The following DMD variants were observed in gnomAD, a reference collection of about 807,000 sequenced individuals.
The protein encoded by DMD is dystrophin.
Under a neutral mutation model 330.1 loss-of-function variants are expected in DMD, and 63 were observed. That is an observed-to-expected ratio of 0.19 (90% CI 0.16 to 0.24). The LOEUF (loss-of-function observed/expected upper bound fraction) is 0.24, where lower values mean the gene tolerates loss of function less well. Among genes scored for constraint, DMD ranks in the 10% least tolerant of loss-of-function variants. The pLI is 1.00. For missense variants in DMD, 3,344 were observed against 2,684.1 expected (o/e 1.25, Z -5.43); for synonymous variants, 1,223 against 959.8 (o/e 1.27, Z -5.07).
At chrX:31,434,658 A>G (rs1208505277) in intron 60 of DMD, among the ~76,000 whole-genome samples, 1 of 111,641 alleles carries the variant, frequency 9.0e-6, no homozygotes, top group Non-Finnish European at 1.9e-5. Context: ...GGTAAAGAGT[A>G]GACACCAGAA....
intron 7 of DMD, among the ~76,000 whole-genome samples, chrX:32,793,766 A>C (rs1304503139): frequency 9.0e-6 from 1 of 111,674 alleles, no homozygotes; most frequent in Non-Finnish European, 1.9e-5. Flanking sequence ...GTAATCTTAA[A>C]AAATTTCCCA....
intron 54 of DMD, among the ~76,000 whole-genome samples, chrX:31,632,783 G>T (rs1042899729): frequency 1.8e-5 from 2 of 111,854 alleles, no homozygotes; most frequent in African/African-American, 3.2e-5. Context: ...CTACTAGTTT[G>T]CTAGTAAATT....
intron 45 of DMD, among the ~76,000 whole-genome samples, chrX:31,938,899 C>G (rs1182800882): frequency 1.8e-5 from 2 of 111,450 alleles, no homozygotes; most frequent in Admixed American, 1.9e-4. Flanking sequence ...AATCCCTAAA[C>G]TGTGTTAAAT....
chrX:32,400,353 G>A (rs1177518538), intron 30 of DMD, among the ~76,000 whole-genome samples: 7 of 111,206 alleles, frequency 6.3e-5, no homozygotes, highest in East Asian at 2.8e-4. Context: ...TGCTGGATTC[G>A]TTTTGCAAGT....
intron 44 of DMD, among the ~76,000 whole-genome samples, chrX:32,044,579 G>A (rs1283757238): frequency 1.8e-5 from 2 of 109,994 alleles, no homozygotes; most frequent in South Asian, 7.8e-4. Context: ...CTGCCACCAT[G>A]CCCAGCTAAT....
upstream of DMD, among the ~76,000 whole-genome samples, chrX:33,215,170 T>TA (rs1240596940): frequency 1.8e-5 from 2 of 108,311 alleles, no homozygotes; most frequent in East Asian, 2.9e-4. Flanking sequence ...ACCCCATCTC[T>TA]AAAAAAAATA....
At chrX:32,846,440 T>G (rs1420596322) in intron 3 of DMD, among the ~76,000 whole-genome samples, 2 of 111,135 alleles carry the variant, frequency 1.8e-5, no homozygotes, top group Non-Finnish European at 3.8e-5. Context: ...TCTCAAGTAG[T>G]TCCTCACCCT....
intron 43 of DMD, among the ~76,000 whole-genome samples, chrX:32,258,745 T>A (rs1250365494): frequency 9.0e-6 from 1 of 110,843 alleles, no homozygotes; most frequent in Non-Finnish European, 1.9e-5. Flanking sequence ...CAAACCACCA[T>A]GGAACGTGTA....
intron 18 of DMD, among the ~76,000 whole-genome samples, chrX:32,504,544 T>A (rs375193240): frequency 9.0e-6 from 1 of 110,956 alleles, no homozygotes; most frequent in Non-Finnish European, 1.9e-5. Context: ...GGAAAATCCC[T>A]TGAACCCGGG....
At chrX:32,387,593 G>A (rs1465212689) in intron 32 of DMD, among the ~76,000 whole-genome samples, 2 of 111,153 alleles carry the variant, frequency 1.8e-5, no homozygotes, top group African/African-American at 6.5e-5. Context: ...TCTGATCAAT[G>A]CTACATGTAT....
chrX:32,301,445 G>A (rs1031191957), intron 42 of DMD, among the ~76,000 whole-genome samples: 36 of 109,592 alleles, frequency 3.3e-4, no homozygotes, highest in Admixed American at 1.4e-3. Context: ...TTTCCATCAG[G>A]ATGTTTAATG....
intron 18 of DMD, among the ~76,000 whole-genome samples, chrX:32,507,275 A>G (rs2044723413): frequency 8.9e-6 from 1 of 111,761 alleles, no homozygotes; most frequent in Non-Finnish European, 1.9e-5. Context: ...TCTTTGAGTT[A>G]CTTTTAGAGT....
At chrX:31,634,742 C>T (rs991895846) in intron 54 of DMD, among the ~76,000 whole-genome samples, 11 of 110,720 alleles carry the variant, frequency 9.9e-5, no homozygotes, top group Non-Finnish European at 2.1e-4. Flanking sequence ...TCCCTAAAAC[C>T]ATTAGTACTT....
chrX:32,101,584 T>C (rs901064150), intron 44 of DMD, among the ~76,000 whole-genome samples: 6 of 112,082 alleles, frequency 5.4e-5, no homozygotes, highest in African/African-American at 1.6e-4. Context: ...CTTCTAAACA[T>C]TTCTAATTTT....
chrX:32,472,053 A>T, intron 22 of DMD, 111 bp downstream of exon 22: 1 of 989,558 alleles, frequency 1.0e-6, no homozygotes, highest in South Asian at 2.0e-5. Flanking sequence ...TCAATGGGCA[A>T]ACTACCATAC....
At chrX:32,412,499 T>C (rs1201432986) in intron 29 of DMD, among the ~76,000 whole-genome samples, 5 of 112,401 alleles carry the variant, frequency 4.4e-5, no homozygotes, top group Non-Finnish European at 9.4e-5. Flanking sequence ...AAATTGTTTG[T>C]ACAATTGGGT....
intron 55 of DMD, among the ~76,000 whole-genome samples, chrX:31,579,881 T>C (rs1423054812): frequency 8.9e-6 from 1 of 112,207 alleles, no homozygotes; most frequent in Non-Finnish European, 1.9e-5. Flanking sequence ...AATGAAAGTG[T>C]TGGCAGGGCT....
intron 54 of DMD, among the ~76,000 whole-genome samples, chrX:31,641,180 A>G (rs5971584): frequency 2.7e-5 from 3 of 111,111 alleles, no homozygotes; most frequent in Non-Finnish European, 5.7e-5. Flanking sequence ...ATAGAGAAAT[A>G]CCATTGAGGC....
intron 7 of DMD, among the ~76,000 whole-genome samples, chrX:32,726,594 A>C (rs975288355): frequency 4.5e-5 from 5 of 111,453 alleles, no homozygotes; most frequent in African/African-American, 1.6e-4. Flanking sequence ...TAATATCGAA[A>C]CCAGTAAGAT....
Sources: allele counts gnomAD v4.1 joint callset (sites outside exome capture counted in the v4.1 genomes callset), GRCh38; gene constraint gnomAD v4.1.1; transcripts MANE v1.5; gene names NCBI Gene and HGNC (gene_info 2026-07-23, HGNC 2026-07-21).